IGFL4: variants seen among roughly 807,000 people sequenced by gnomAD.
IGFL4 encodes IGF like family member 4, also known as insulin growth factor-like family member 4.
In IGFL4, 12 loss-of-function variants were observed where a neutral mutation model predicts 15.4. That is an observed-to-expected ratio of 0.78 (90% CI 0.50 to 1.26). The LOEUF is 1.26. Ranked by LOEUF, IGFL4 falls within the 50% of genes most tolerant of loss-of-function variation. IGFL4 has a pLI of 0.00. For synonymous variants in IGFL4, 54 were observed against 55.9 expected (o/e 0.97, Z 0.16); for missense variants, 126 against 147.8 (o/e 0.85, Z 0.76).
intron 1 of IGFL4, among the ~76,000 whole-genome samples, chr19:46,064,697 C>T (rs1359561678): frequency 6.6e-6 from 1 of 152,128 alleles, no homozygotes; most frequent in Non-Finnish European, 1.5e-5. Context: ...TGTGTAAGTA[C>T]CCCATAGATA....
chr19:46,074,451 T>C (rs899257660), intron 1 of IGFL4, among the ~76,000 whole-genome samples: 2 of 151,958 alleles, frequency 1.3e-5, no homozygotes, highest in African/African-American at 4.8e-5. Context: ...TATATACACA[T>C]ATGGGAGTTT....
chr19:46,073,308 G>A (rs1969563894), intron 1 of IGFL4, among the ~76,000 whole-genome samples: 2 of 152,140 alleles, frequency 1.3e-5, no homozygotes, highest in Admixed American at 6.5e-5. Context: ...CTAAAGATAT[G>A]ATCAGGATGC....
At chr19:46,075,004 A>C (rs1375788539) in intron 1 of IGFL4, among the ~76,000 whole-genome samples, 1 of 152,250 alleles carries the variant, frequency 6.6e-6, no homozygotes, top group Non-Finnish European at 1.5e-5. Context: ...AAGGGATTCA[A>C]TTCCACCTTT....
At chr19:46,062,667 AAG>A (rs1490216600) in intron 1 of IGFL4, 1 of 152,366 alleles carries the variant, frequency 6.6e-6, no homozygotes, top group African/African-American at 2.4e-5. Context: ...AAAGAGAGAA[AAG>A]AGAAAGGAGA....
chr19:46,056,377 A>T (rs960251191), intron 2 of IGFL4, among the ~76,000 whole-genome samples: 1 of 152,324 alleles, frequency 6.6e-6, no homozygotes, highest in Non-Finnish European at 1.5e-5. Flanking sequence ...TGGACAGCTA[A>T]TTAGAGTCCC....
Sources: allele counts gnomAD v4.1 joint callset (sites outside exome capture counted in the v4.1 genomes callset), GRCh38; gene constraint gnomAD v4.1.1; transcripts MANE v1.5; gene names NCBI Gene and HGNC (gene_info 2026-07-23, HGNC 2026-07-21).